The following TENM3 variants were observed in gnomAD, a reference collection of about 807,000 sequenced individuals.
TENM3 encodes the protein teneurin-3.
In TENM3, 63 loss-of-function variants were observed where a neutral mutation model predicts 255.1. That is an observed-to-expected ratio of 0.25 (90% confidence interval 0.20 to 0.30). TENM3 has a LOEUF of 0.30. Among genes scored for constraint, TENM3 ranks in the 10% least tolerant of loss-of-function variants. The pLI is 1.00. For missense variants in TENM3, 2,929 were observed against 3,461.1 expected (o/e 0.85, Z 3.86); for synonymous variants, 1,306 against 1,322.3 (o/e 0.99, Z 0.27).
At chr4:182,324,823 A>G (rs950445905) in intron 2 of TENM3, among the ~76,000 whole-genome samples, 1 of 152,170 alleles carries the variant, frequency 6.6e-6, no homozygotes. Flanking sequence ...ATACCTTAAC[A>G]CTTCCTAGTT....
chr4:182,133,950 C>T, the TENM3 span, among the ~76,000 whole-genome samples: 1 of 152,076 alleles, frequency 6.6e-6, no homozygotes, highest in Non-Finnish European at 1.5e-5. Context: ...TTTATTGGTC[C>T]TATCCTTGGG....
At chr4:182,407,316 C>T (rs1016605147) in intron 3 of TENM3, among the ~76,000 whole-genome samples, 5 of 152,200 alleles carry the variant, frequency 3.3e-5, no homozygotes, top group Non-Finnish European at 7.4e-5. Context: ...TTTAATAAGA[C>T]GTATATTCAT....
intron 1 of TENM3, among the ~76,000 whole-genome samples, chr4:182,252,072 A>G (rs1731202293): frequency 2.0e-5 from 3 of 151,800 alleles, no homozygotes; most frequent in African/African-American, 7.3e-5. Flanking sequence ...AGTCCCAGCT[A>G]CTCGGGAGGC....
intron 3 of TENM3, among the ~76,000 whole-genome samples, chr4:182,520,523 G>A (rs1056174230): frequency 1.3e-5 from 2 of 152,140 alleles, no homozygotes; most frequent in Non-Finnish European, 2.9e-5. Context: ...TTTACTGAAA[G>A]TATCTCGTTT....
At chr4:181,578,103 G>A in the TENM3 span, among the ~76,000 whole-genome samples, 2 of 152,292 alleles carry the variant, frequency 1.3e-5, no homozygotes, top group East Asian at 3.9e-4. Flanking sequence ...GCTGGATCAG[G>A]CCCATGAACC....
At chr4:182,322,404 G>C (rs1225744603) in intron 1 of TENM3, among the ~76,000 whole-genome samples, 1 of 152,190 alleles carries the variant, frequency 6.6e-6, no homozygotes, top group Non-Finnish European at 1.5e-5. Context: ...TTTGGTTGAA[G>C]ACATAGCAGG....
chr4:182,748,995 C>A (rs931753049), intron 19 of TENM3, among the ~76,000 whole-genome samples: 2 of 152,114 alleles, frequency 1.3e-5, no homozygotes, highest in African/African-American at 4.8e-5. Flanking sequence ...CTCTTTACTT[C>A]CCCACTAGGA....
At chr4:181,808,076 C>T in the TENM3 span, among the ~76,000 whole-genome samples, 2 of 152,164 alleles carry the variant, frequency 1.3e-5, no homozygotes, top group Non-Finnish European at 2.9e-5. Flanking sequence ...GAAAATCCAC[C>T]ACTGCCTTCC....
chr4:182,053,487 C>A, the TENM3 span, among the ~76,000 whole-genome samples: 1 of 152,304 alleles, frequency 6.6e-6, no homozygotes, highest in Admixed American at 6.5e-5. Flanking sequence ...TCTCATACTG[C>A]CTCTTGGGCT....
chr4:182,175,040 T>TGTGAGGATTAAATAC (rs1232299816), intron 1 of TENM3, among the ~76,000 whole-genome samples: 4 of 152,112 alleles, frequency 2.6e-5, no homozygotes, highest in Non-Finnish European at 5.9e-5. Flanking sequence ...GGTTTGCAGG[T>TGTGAGGATTAAATAC]GTGAGGATTA....
chr4:181,555,538 A>T, the TENM3 span, among the ~76,000 whole-genome samples: 1 of 152,212 alleles, frequency 6.6e-6, no homozygotes, highest in Non-Finnish European at 1.5e-5. Flanking sequence ...CTTCAATATA[A>T]GCAAGTTAGT....
the TENM3 span, among the ~76,000 whole-genome samples, chr4:181,882,971 C>T: frequency 6.6e-6 from 1 of 152,086 alleles, no homozygotes; most frequent in Non-Finnish European, 1.5e-5. Flanking sequence ...GCAGCCCATC[C>T]TGGATAGAAT....
At chr4:181,489,307 C>T in the TENM3 span, among the ~76,000 whole-genome samples, 1 of 152,092 alleles carries the variant, frequency 6.6e-6, no homozygotes, top group South Asian at 2.1e-4. Context: ...ATCAGAAAGC[C>T]CTAGAATAAG....
chr4:182,031,565 A>C, the TENM3 span, among the ~76,000 whole-genome samples: 1,958 of 152,250 alleles, frequency 0.013, 47 homozygotes, highest in African/African-American at 0.044. Context: ...TGAATTTTAA[A>C]GTAGTTTTTC....
At chr4:182,694,564 G>T (rs1346660210) in intron 12 of TENM3, among the ~76,000 whole-genome samples, 1 of 152,166 alleles carries the variant, frequency 6.6e-6, no homozygotes, top group Non-Finnish European at 1.5e-5. Flanking sequence ...TTTGGCCTAG[G>T]GGAAATCCTA....
intron 4 of TENM3, among the ~76,000 whole-genome samples, chr4:182,614,132 G>A (rs1034415056): frequency 6.6e-6 from 1 of 152,052 alleles, no homozygotes; most frequent in Admixed American, 6.5e-5. Flanking sequence ...TGTAATGTTG[G>A]TTGCTTATTT....
the TENM3 span, among the ~76,000 whole-genome samples, chr4:182,002,499 A>G: frequency 1.3e-5 from 2 of 150,530 alleles, no homozygotes; most frequent in African/African-American, 4.9e-5. Context: ...TTAGTCAAGA[A>G]CTCCACATTC....
chr4:181,870,500 C>G, the TENM3 span, among the ~76,000 whole-genome samples: 2 of 152,106 alleles, frequency 1.3e-5, no homozygotes, highest in Admixed American at 1.3e-4. Flanking sequence ...TTCTTGTGAT[C>G]TCACTGTGGC....
At chr4:181,599,137 A>G in the TENM3 span, among the ~76,000 whole-genome samples, 1 of 152,224 alleles carries the variant, frequency 6.6e-6, no homozygotes, top group African/African-American at 2.4e-5. Context: ...AATACTAACA[A>G]GCACATAGGT....
Sources: gnomAD v4.1 joint callset for allele counts (sites outside exome capture counted in the v4.1 genomes callset) on GRCh38, gnomAD v4.1.1 for gene constraint, MANE v1.5 for transcripts, NCBI Gene and HGNC (gene_info 2026-07-23, HGNC 2026-07-21) for gene names.